Variants in FAM83A observed in about 807,000 individuals in gnomAD.
FAM83A encodes scaffolding CK1 anchoring protein A.
A neutral mutation model predicts 24.4 loss-of-function variants in FAM83A; 21 were observed. The observed-to-expected ratio is 0.86, with a 90% CI of 0.61 to 1.24. The LOEUF is 1.24. FAM83A is among the 50% of genes most tolerant of loss of function. The pLI, the probability that FAM83A is intolerant of heterozygous loss-of-function variation, is 0.00. For synonymous variants in FAM83A, 270 were observed against 252.4 expected, an observed-to-expected ratio of 1.07 and a Z score of -0.66; for missense variants, 617 against 579.8, an observed-to-expected ratio of 1.06 and a Z score of -0.66.
chr8:123,183,347 C>T lies in FAM83A; in HGVS notation c.480+11C>T. The stretch of plus-strand genomic sequence containing the variant: ...ACCCGGACTAGCCAGGTACCGATGG[C>T]AAAGCCCCTGTCTCCGTGGCCAAGT... On this transcript the variant is annotated intron_variant, in intron 1 of 3. Transcript: ENST00000690554. The T allele has an allele frequency of 6.2e-7, 1 of 1,602,206 alleles. No homozygotes were observed.
At chr8:123,194,176 G>A in intron 3 of FAM83A, 28 bp downstream of exon 3, 1 of 1,612,682 alleles carries the variant, frequency 6.2e-7, no homozygotes, top group Non-Finnish European at 8.5e-7. Flanking sequence ...CTCCTGTCAA[G>A]GATTCATGGA....
exon 4 of FAM83A, chr8:123,207,476 C>G (rs755334674): frequency 6.3e-7 from 1 of 1,586,942 alleles, no homozygotes; most frequent in South Asian, 1.1e-5. Context: ...ACACCCGCCT[C>G]CACCGCCCCG....
intron 3 of FAM83A, among the ~76,000 whole-genome samples, chr8:123,203,491 G>T (rs1219616732): frequency 6.6e-6 from 1 of 151,396 alleles, no homozygotes; most frequent in Non-Finnish European, 1.5e-5. Context: ...GGGAGGCTGA[G>T]GTGGGAGGAT....
chr8:123,182,188 A>G (rs1214934661), upstream of FAM83A: 1 of 444,270 alleles, frequency 2.3e-6, no homozygotes, highest in Admixed American at 2.4e-5. Flanking sequence ...TTGAGAGGGC[A>G]TGGGAGAAAG....
In FAM83A at chr8:123,194,028, T is replaced by C. The variant is rs1443532822; in HGVS notation, c.653T>C (p.Ile218Thr). Residue 218 changes from isoleucine (I) to threonine (T), a missense_variant, in exon 3 of 4, where the codon ATT becomes ACT. Coordinates refer to ENST00000690554, the Ensembl canonical transcript of FAM83A. ...CCTTGACTTTCCCTCCAACAGAACATTTCCATCCGGAGTGTGGAAGGAGAG... is the reference window on the plus strand; with the variant it reads ...CCTTGACTTTCCCTCCAACAGAACACTTCCATCCGGAGTGTGGAAGGAGAG... 3 of 1,614,004 alleles carry C rather than the reference T, an allele frequency of 1.9e-6. No homozygotes were observed. The African/African-American group carries it at 4.0e-5, about 22-fold the overall frequency.
At position 123,196,214 on chromosome 8, in the gene FAM83A, G is replaced by T. The variant is rs191294563; in HGVS notation, c.773+2066G>T. ...TTTAGTAAAGATGGGGTTTTGCCAT[G>T]ATGGCCATACTGGTCTCGAACTACT... On this transcript the variant is annotated intron_variant, in intron 3 of 3. Coordinates refer to ENST00000690554, the Ensembl canonical transcript of FAM83A. 3.9e-4 allele frequency among the ~76,000 whole-genome samples: 59 copies of T among 152,284 alleles called. No homozygotes were observed. In the East Asian group the frequency reaches 0.011, roughly 28 times the overall value.
In FAM83A at chr8:123,200,245, G is replaced by A. The variant is rs193218128; in HGVS notation, c.773+6097G>A. The stretch of plus-strand genomic sequence containing the variant: ...ATTACAGTAGGGAGGTTCTGCTTGT[G>A]GAGTCAGAGGACAGCTGCAGTCAGG... On this transcript the variant is annotated intron_variant, in intron 3 of 3. Transcript: ENST00000690554. Among the ~76,000 whole-genome samples, 14 of 152,262 alleles carry A rather than the reference G, an allele frequency of 9.2e-5. No individual in the cohort carries two copies. The East Asian group carries it at 2.7e-3, about 29-fold the overall frequency.
At chr8:123,182,168 T>C (rs1462437736), upstream of FAM83A, 1 of 454,040 alleles carries the variant, frequency 2.2e-6, no homozygotes, top group Non-Finnish European at 4.4e-6. Flanking sequence ...AACACGACAA[T>C]GACAAACACT....
intron 3 of FAM83A, among the ~76,000 whole-genome samples, chr8:123,195,284 G>T (rs1414746313): frequency 6.6e-6 from 1 of 152,136 alleles, no homozygotes. Flanking sequence ...TTTCCAGGGG[G>T]TGTTAAGGAT....
intron 1 of FAM83A, among the ~76,000 whole-genome samples, chr8:123,186,393 T>C (rs370674887): frequency 2.6e-4 from 40 of 151,884 alleles, no homozygotes; most frequent in African/African-American, 9.6e-4. Context: ...GAAATATATT[T>C]GAATTCTCCC....
intron 3 of FAM83A, among the ~76,000 whole-genome samples, chr8:123,205,907 G>A (rs1159125902): frequency 6.6e-6 from 1 of 152,156 alleles, no homozygotes; most frequent in East Asian, 1.9e-4. Context: ...CACTTTGGGA[G>A]GCCGAGGCGG....
chr8:123,185,104 C>A (rs754768105), intron 1 of FAM83A, among the ~76,000 whole-genome samples: 2 of 152,154 alleles, frequency 1.3e-5, no homozygotes, highest in Non-Finnish European at 2.9e-5. Flanking sequence ...TGTGGCAGGG[C>A]GGCATTTGAG....
intron 1 of FAM83A, among the ~76,000 whole-genome samples, chr8:123,187,001 G>A (rs960647593): frequency 1.3e-5 from 2 of 152,084 alleles, no homozygotes; most frequent in Non-Finnish European, 1.5e-5. Flanking sequence ...GGCAACCCTC[G>A]GTGCCTGGAA....
chr8:123,183,715 C>A (rs1403574962), intron 1 of FAM83A, among the ~76,000 whole-genome samples: 1 of 127,420 alleles, frequency 7.8e-6, no homozygotes, highest in Non-Finnish European at 1.6e-5. Flanking sequence ...GAGACAGAGT[C>A]TTGCTCTTCT....
rs1554630479 is a variant in FAM83A, at chr8:123,200,968, A to AAAAT, written c.774-6188_774-6187insAATA. On this transcript the variant is annotated intron_variant, in intron 3 of 3. Transcript: ENST00000690554. ...CTCAAACAAATAAACAAAAAAAAAA[A>AAAAT]ATATATATATATATATACACATATA... is the stretch of plus-strand genomic sequence containing the variant. 1.0e-3 allele frequency among the ~76,000 whole-genome samples: 141 copies of AAAAT among 138,988 alleles called. 1 individual carries two copies. Among genetic ancestry groups the AAAAT allele is most frequent in the African/African-American group, 3.7e-3 (137 of 36,836 alleles). 91.2% of individuals were successfully genotyped at this position (138,988 alleles called of 152,430 possible).
chr8:123,200,597 A>G (rs1048731025), intron 3 of FAM83A, among the ~76,000 whole-genome samples: 2 of 152,140 alleles, frequency 1.3e-5, no homozygotes, highest in African/African-American at 4.8e-5. Context: ...GGGGTGGGTC[A>G]CTTGAGGTCA....
upstream of FAM83A, among the ~76,000 whole-genome samples, chr8:123,181,167 G>C (rs962436362): frequency 2.0e-5 from 3 of 152,096 alleles, no homozygotes; most frequent in Non-Finnish European, 4.4e-5. Context: ...GGCTGGTCTT[G>C]AACTCCTGAC....
chr8:123,186,782 A>G (rs1232976401), intron 1 of FAM83A, among the ~76,000 whole-genome samples: 1 of 152,194 alleles, frequency 6.6e-6, no homozygotes, highest in Non-Finnish European at 1.5e-5. Flanking sequence ...GTGAGCCAAG[A>G]TGGTGCCACT....
Position 123,209,031 on chromosome 8 carries a change from C to T in FAM83A, c.*1343C>T. ...GCCAGCCCTGTGGTGGGTGGGATGT[C>T]AGAGACACTTCCCAGATAAAGTAAG... On this transcript the variant is annotated 3_prime_UTR_variant, in exon 4 of 4. Coordinates refer to ENST00000690554, the Ensembl canonical transcript of FAM83A. This position sits in a 1 kb window ranked among gnomAD's most constrained non-coding sequence, Gnocchi z 4.7. 1 of 989,368 alleles carries T rather than the reference C, an allele frequency of 1.0e-6. No individual in the cohort carries two copies. Among genetic ancestry groups the T allele is most frequent in the Admixed American group, 6.0e-5 (1 of 16,612 alleles). 61.3% of individuals were successfully genotyped at this position (989,368 alleles called of 1,614,324 possible).
Sources: allele counts gnomAD v4.1 joint callset (sites outside exome capture counted in the v4.1 genomes callset), GRCh38; gene constraint gnomAD v4.1.1; non-coding constraint Gnocchi (gnomAD v3.1); transcripts MANE v1.5; gene names NCBI Gene and HGNC (gene_info 2026-07-23, HGNC 2026-07-21).